Variants in SLC19A1 observed in about 807,000 individuals in gnomAD.
The protein encoded by SLC19A1 is reduced folate transporter.
Under a neutral mutation model 35.3 loss-of-function variants are expected in SLC19A1, and 37 were observed. The observed-to-expected ratio is 1.05, with a 90% CI of 0.81 to 1.38. The LOEUF (loss-of-function observed/expected upper bound fraction) is 1.38, where lower values mean the gene tolerates loss of function less well. Among genes scored for constraint, SLC19A1 ranks in the 40% most tolerant of loss-of-function variants. The pLI is 0.00. For synonymous variants in SLC19A1, 460 were observed against 398.5 expected (o/e 1.15, Z -1.84); for missense variants, 831 against 826.9 (o/e 1.00, Z -0.06).
In SLC19A1 at chr21:45,540,385, C is replaced by G. The variant is rs1396893524; in HGVS notation, c.-50+1983G>C. On this transcript the variant is annotated intron_variant, in intron 1 of 5. Coordinates refer to ENST00000311124, the MANE Select transcript of SLC19A1 (RefSeq NM_194255.4). The surrounding 1 kb of genome is among the most constrained non-coding windows in gnomAD (Gnocchi z 5.5). ...GTCCATGGCCGCAGGAGTCAGATCC[C>G]CACCCACAGGACCCCCAGGGGCCCG... Among the ~76,000 whole-genome samples the G allele has an allele frequency of 6.6e-6, 1 of 152,172 alleles. No individual in the cohort carries two copies. Among genetic ancestry groups the G allele is most frequent in the Non-Finnish European group, 1.5e-5 (1 of 68,024 alleles).
downstream of SLC19A1, among the ~76,000 whole-genome samples, chr21:45,508,758 C>G (rs374628482): frequency 6.6e-6 from 1 of 152,132 alleles, no homozygotes; most frequent in Admixed American, 6.5e-5. Context: ...AGTCATGGCC[C>G]CTCCTGTGTG....
rs1439816216 is a variant in SLC19A1 at position 45,504,444 on chromosome 21, G to C, written c.498-5832C>G. 16 of 1,611,736 alleles carry C rather than the reference G, an allele frequency of 9.9e-6. No individual in the cohort carries two copies. Among genetic ancestry groups the C allele is most frequent in the Non-Finnish European group, 1.3e-5 (15 of 1,179,488 alleles). ...GAGAAGGGAGACCGAGGTGATGCAGGACAGAAAGGCGAAAGGGGGGAGCCC... is the reference window on the plus strand; with the variant it reads ...GAGAAGGGAGACCGAGGTGATGCAGCACAGAAAGGCGAAAGGGGGGAGCCC... On this transcript the variant is annotated intron_variant, in intron 3 of 4. Coordinates refer to the SLC19A1 transcript ENST00000417954.
chr21:45,504,283 C>G (rs2037047912), intron 3 of SLC19A1: 2 of 972,804 alleles, frequency 2.1e-6, no homozygotes, highest in East Asian at 2.6e-5. Flanking sequence ...GAGCCCTATT[C>G]TATGCAGCCA....
chr21:45,504,578 C>T (rs565497967), intron 3 of SLC19A1: 4 of 1,559,126 alleles, frequency 2.6e-6, no homozygotes, highest in African/African-American at 1.4e-5. Context: ...CCTGTGCAGG[C>T]AGAGCCCATG....
At chr21:45,536,039 A>G in intron 2 of SLC19A1, 2 of 330,046 alleles carry the variant, frequency 6.1e-6, no homozygotes, top group Non-Finnish European at 8.9e-6. Flanking sequence ...CTCCCGCGTG[A>G]AGTTCTTGTC....
chr21:45,527,229 G>A (rs2077656188), intron 4 of SLC19A1, among the ~76,000 whole-genome samples: 1 of 143,518 alleles, frequency 7.0e-6, no homozygotes, highest in Non-Finnish European at 1.5e-5. Flanking sequence ...GAGGTGAGTG[G>A]CAATTGGGGG....
chr21:45,512,283 C>T (rs373708039), downstream of SLC19A1: 126 of 1,612,010 alleles, frequency 7.8e-5, 1 homozygote, highest in African/African-American at 1.1e-3. Flanking sequence ...CCCTCGGCCA[C>T]GGGCCAGGCC....
chr21:45,522,448 A>AAC (rs1232498978), intron 5 of SLC19A1, among the ~76,000 whole-genome samples: 1 of 152,190 alleles, frequency 6.6e-6, no homozygotes, highest in African/African-American at 2.4e-5. Context: ...TCTTTCCTGG[A>AAC]AAGAAACAAG....
At chr21:45,538,845 G>GGCAACATGCACCCCAA (rs1251091006) in intron 1 of SLC19A1, among the ~76,000 whole-genome samples, 2 of 152,166 alleles carry the variant, frequency 1.3e-5, no homozygotes, top group African/African-American at 4.8e-5. Flanking sequence ...TCATCCACGA[G>GGCAACATGCACCCCAA]GCAACATGCA....
intron 5 of SLC19A1, among the ~76,000 whole-genome samples, chr21:45,522,709 T>C (rs2077473579): frequency 6.6e-6 from 1 of 152,120 alleles, no homozygotes; most frequent in South Asian, 2.1e-4. Flanking sequence ...GAGAACAGTG[T>C]TGAGTGAAAA....
At chr21:45,537,326 C>T (rs898048595) in intron 2 of SLC19A1, among the ~76,000 whole-genome samples, 10 of 152,304 alleles carry the variant, frequency 6.6e-5, no homozygotes, top group South Asian at 4.1e-4. Context: ...TCAGCTGACA[C>T]GGCCACTCAC....
chr21:45,548,855 T>C (rs1477564386), upstream of SLC19A1, among the ~76,000 whole-genome samples: 5 of 152,148 alleles, frequency 3.3e-5, no homozygotes, highest in African/African-American at 4.8e-5. Context: ...AGGCCTGAAG[T>C]ACCAAACCAC....
At chr21:45,546,159 C>G (rs1307578688), upstream of SLC19A1, among the ~76,000 whole-genome samples, 1 of 152,262 alleles carries the variant, frequency 6.6e-6, no homozygotes, top group East Asian at 1.9e-4. Context: ...GGCCCCCATC[C>G]TCTCAGAGGC....
Position 45,515,143 on chromosome 21 carries a change from G to A in SLC19A1, c.*515C>T, listed in dbSNP as rs1254161203. On this transcript the variant is annotated 3_prime_UTR_variant, in exon 6 of 6. Transcript: ENST00000311124. ...CACAGAGACAGAGAAGCCACATGCA[G>A]TTCTTCATTCTACGTCAGTTAAAAA... The A allele has an allele frequency of 4.6e-6, 7 of 1,531,582 alleles. No individual in the cohort carries two copies. The South Asian group carries it at 7.4e-5, about 16-fold the overall frequency. 94.9% of individuals were successfully genotyped at this position (1,531,582 alleles called of 1,614,324 possible).
intron 3 of SLC19A1, chr21:45,506,356 G>T (rs1047155471): frequency 8.5e-6 from 3 of 354,182 alleles, no homozygotes; most frequent in Non-Finnish European, 1.7e-5. Context: ...CCGGCTGGGG[G>T]GCAGGCTGTC....
intron 3 of SLC19A1, chr21:45,503,953 G>A: frequency 6.2e-7 from 1 of 1,605,732 alleles, no homozygotes; most frequent in Non-Finnish European, 8.5e-7. Context: ...GGCTGCAGAG[G>A]GAACCCGGCG....
At chr21:45,535,854 G>C (rs983425706) in intron 2 of SLC19A1, 1 of 154,760 alleles carries the variant, frequency 6.5e-6, no homozygotes, top group African/African-American at 2.4e-5. Context: ...GATTGGGCAG[G>C]AGAGCAACTT....
At chr21:45,525,211 C>T (rs957391740) in intron 5 of SLC19A1, among the ~76,000 whole-genome samples, 2 of 152,218 alleles carry the variant, frequency 1.3e-5, no homozygotes, top group East Asian at 3.9e-4. Flanking sequence ...TTGTCCCACC[C>T]GCCAAGGGCA....
intron 3 of SLC19A1, chr21:45,504,580 G>A: frequency 5.1e-6 from 8 of 1,558,086 alleles, no homozygotes; most frequent in Non-Finnish European, 6.9e-6. Flanking sequence ...TGTGCAGGCA[G>A]AGCCCATGTC....
Sources: allele counts gnomAD v4.1 joint callset (sites outside exome capture counted in the v4.1 genomes callset), GRCh38; gene constraint gnomAD v4.1.1; non-coding constraint Gnocchi (gnomAD v3.1); transcripts MANE v1.5; gene names NCBI Gene and HGNC (gene_info 2026-07-23, HGNC 2026-07-21).